PHLPP2: variants seen among roughly 807,000 people sequenced by gnomAD.
PHLPP2 encodes PH domain and leucine rich repeat protein phosphatase 2.
A neutral mutation model predicts 124.9 loss-of-function variants in PHLPP2; 66 were observed. The ratio of observed to expected loss-of-function variants is 0.53; its 90% CI spans 0.43 to 0.65. The LOEUF (loss-of-function observed/expected upper bound fraction) is 0.65. Among genes scored for constraint, PHLPP2 ranks in the 30% least tolerant of loss-of-function variants. The probability of loss-of-function intolerance (pLI) is 0.00; values close to 1 mark genes in which losing one functional copy is unlikely to be tolerated. For synonymous variants in PHLPP2, 681 were observed against 624.7 expected (o/e 1.09, Z -1.34); for missense variants, 1,685 against 1,600.4 (o/e 1.05, Z -0.90).
chr16:71,714,677 G>A lies in PHLPP2; in HGVS notation c.119C>T (p.Thr40Ile), dbSNP rs1308184824. 1.2e-6 allele frequency: 2 copies of A among 1,613,544 alleles called. No individual in the cohort carries two copies. Among genetic ancestry groups the A allele is most frequent in the African/African-American group, 1.3e-5 (1 of 74,918 alleles). The part of the protein sequence containing the change: ...RGCVYLYGAD[T>I]TTATTTTTTS... ...GGTGGTGGTTGTAGTGGCAGTGGTA[G>A]TGTCTGCTCCATAAAGGTAAACACA... is the stretch of plus-strand genomic sequence containing the variant. The change falls in exon 2 of 19, where the codon ACT becomes ATT. Residue 40 changes from threonine (T) to isoleucine (I), a missense_variant. Transcript: ENST00000568954.
chr16:71,722,104 C>G (rs916514223), intron 1 of PHLPP2, among the ~76,000 whole-genome samples: 3 of 152,176 alleles, frequency 2.0e-5, no homozygotes, highest in Non-Finnish European at 4.4e-5. Flanking sequence ...TTTCCAGCAT[C>G]ACTTGGCACA....
chr16:71,680,305 C>A (rs569495080), intron 6 of PHLPP2, among the ~76,000 whole-genome samples: 1 of 152,180 alleles, frequency 6.6e-6, no homozygotes, highest in Non-Finnish European at 1.5e-5. Flanking sequence ...TACTTTCATA[C>A]TGAAATTATG....
intron 2 of PHLPP2, among the ~76,000 whole-genome samples, chr16:71,710,920 T>C (rs1158862347): frequency 6.6e-6 from 1 of 152,210 alleles, no homozygotes; most frequent in Non-Finnish European, 1.5e-5. Flanking sequence ...CATTCCAGAA[T>C]CCAATCTCTA....
intron 4 of PHLPP2, 110 bp downstream of exon 4, chr16:71,690,409 C>A: frequency 1.3e-6 from 1 of 753,302 alleles, no homozygotes; most frequent in Non-Finnish European, 2.2e-6. Flanking sequence ...TTAATAATGC[C>A]CATACTGGCT....
Position 71,697,151 on chromosome 16 carries a change from C to T in PHLPP2, c.418+5447G>A, listed in dbSNP as rs564297867. 8.0e-5 allele frequency among the ~76,000 whole-genome samples: 12 copies of T among 149,856 alleles called. No individual in the cohort carries two copies. The South Asian group carries it at 8.5e-4, about 11-fold the overall frequency. The stretch of plus-strand genomic sequence containing the variant: ...TGGCACCACTGCACTCAAGCCTGGG[C>T]GACAGAGCAAGACTCTGTCTCAATA... On this transcript the variant is annotated intron_variant, in intron 3 of 18. Transcript: ENST00000568954.
chr16:71,709,436 A>C (rs1183207625), intron 2 of PHLPP2, among the ~76,000 whole-genome samples: 1 of 152,212 alleles, frequency 6.6e-6, no homozygotes, highest in African/African-American at 2.4e-5. Context: ...GGTTAATGAA[A>C]AAATAAAAAT....
intron 2 of PHLPP2, among the ~76,000 whole-genome samples, chr16:71,711,279 C>T (rs934276150): frequency 4.0e-5 from 6 of 151,046 alleles, no homozygotes; most frequent in African/African-American, 1.2e-4. Context: ...TGCAGTGAGC[C>T]GAGATCGCAC....
At position 71,683,397 on chromosome 16, in the gene PHLPP2, C is replaced by A. The variant is rs145024810; in HGVS notation, c.735+1079G>T. Reference sequence around the variant, plus strand: ...TTGTGGCAGCATTAGAGGTCACTGTCCCATCAATAACTGCACATTTGAAGT... The same window carrying A: ...TTGTGGCAGCATTAGAGGTCACTGTACCATCAATAACTGCACATTTGAAGT... On this transcript the variant is annotated intron_variant, in intron 5 of 18. Coordinates refer to ENST00000568954, the MANE Select transcript of PHLPP2 (RefSeq NM_015020.3). Among the ~76,000 whole-genome samples, 368 of 152,308 alleles carry A rather than the reference C, an allele frequency of 2.4e-3. 2 individuals carry two copies. The highest frequency in any genetic ancestry group is 8.4e-3 in the African/African-American group (351 of 41,550).
intron 15 of PHLPP2, 73 bp from the exon 16 acceptor site, chr16:71,656,754 C>A (rs1309747606): frequency 7.2e-6 from 5 of 696,446 alleles, no homozygotes; most frequent in African/African-American, 1.9e-5. Context: ...CAATAGTATT[C>A]TTTTTTTTTT....
chr16:71,702,537 A>G, intron 3 of PHLPP2, 61 bp downstream of exon 3: 1 of 1,377,416 alleles, frequency 7.3e-7, no homozygotes, highest in Admixed American at 1.9e-5. Flanking sequence ...GACGGCAGAT[A>G]AGAGGCACAA....
rs377680976 is a variant in PHLPP2, at chr16:71,653,033, G to C, written c.2586-12C>G. On this transcript the variant is annotated splice_polypyrimidine_tract_variant and intron_variant, in intron 17 of 18. Transcript: ENST00000568954. ...CCATTCCTAATTTCCTGTTCAGAAAGAAAAGGAAAAGAAGACGTGGTGGCT... is the reference window on the plus strand; with the variant it reads ...CCATTCCTAATTTCCTGTTCAGAAACAAAAGGAAAAGAAGACGTGGTGGCT... 1.3e-6 allele frequency: 2 copies of C among 1,566,024 alleles called. No individual in the cohort carries two copies. Among genetic ancestry groups the C allele is most frequent in the African/African-American group, 2.7e-5 (2 of 73,518 alleles).
At chr16:71,653,557 C>G (rs773724634) in intron 17 of PHLPP2, among the ~76,000 whole-genome samples, 1 of 152,176 alleles carries the variant, frequency 6.6e-6, no homozygotes, top group South Asian at 2.1e-4. Context: ...GGCATCCACG[C>G]GTCTGTACTT....
chr16:71,654,774 T>A (rs765648919), intron 17 of PHLPP2, among the ~76,000 whole-genome samples: 3 of 152,214 alleles, frequency 2.0e-5, no homozygotes, highest in African/African-American at 7.2e-5. Context: ...TTGAGGAGCA[T>A]CTGTATATGG....
intron 2 of PHLPP2, among the ~76,000 whole-genome samples, chr16:71,704,526 C>T (rs2045259823): frequency 1.3e-5 from 2 of 151,622 alleles, no homozygotes; most frequent in African/African-American, 4.8e-5. Context: ...TACTGATGTA[C>T]AAAAAAGACA....
rs1423921848 is a variant in PHLPP2, at chr16:71,649,690, T to C, written c.3172A>G (p.Thr1058Ala). ...TTAGGGGCATCCTTGATAGTGGTGG[T>C]TGAAGCAAATCCCACAGGACCTGGG... ...TLPGPVGFAS[T>A]TTIKDAPKPA... Residue 1058 changes from threonine to alanine, a missense_variant, in exon 19 of 19, where the codon ACC becomes GCC. Thr to Ala is a moderately conservative substitution (Grantham distance 58, BLOSUM62 0). Transcript: ENST00000568954. The C allele has an allele frequency of 6.2e-6, 10 of 1,614,052 alleles. No individual in the cohort carries two copies. Among genetic ancestry groups the C allele is most frequent in the East Asian group, 2.2e-5 (1 of 44,884 alleles).
At chr16:71,719,861 G>C (rs186766902) in intron 1 of PHLPP2, among the ~76,000 whole-genome samples, 13 of 151,638 alleles carry the variant, frequency 8.6e-5, no homozygotes, top group Non-Finnish European at 1.5e-5. Context: ...GCCGTGGCAC[G>C]ATCTCGGCTC....
intron 1 of PHLPP2, among the ~76,000 whole-genome samples, chr16:71,715,830 AAAAAAAAAAC>A (rs2045358937): frequency 1.3e-5 from 2 of 149,728 alleles, no homozygotes; most frequent in African/African-American, 5.0e-5. Flanking sequence ...ATACAAAAAA[AAAAAAAAAAC>A]AAAAAATTAG....
rs147433033 is a variant in PHLPP2 at position 71,648,922 on chromosome 16, C to T, written c.3940G>A (p.Glu1314Lys). The T allele has an allele frequency of 1.2e-5, 19 of 1,612,804 alleles. No individual in the cohort carries two copies. The highest frequency in any genetic ancestry group is 4.0e-5 in the African/African-American group (3 of 75,010). Residue 1314 changes from glutamate to lysine, a missense_variant, in exon 19 of 19, where the codon GAG becomes AAG. Coordinates refer to ENST00000568954, the MANE Select transcript of PHLPP2 (RefSeq NM_015020.3). ...EPEPHEEDRT[E>K]PPEEFDTAL ...GCTGTGTCGAACTCCTCCGGGGGCT[C>T]GGTCCGATCCTCTTCATGGGGCTCA...
chr16:71,668,276 C>T (rs2044856838), intron 11 of PHLPP2, among the ~76,000 whole-genome samples: 3 of 151,560 alleles, frequency 2.0e-5, no homozygotes, highest in African/African-American at 4.9e-5. Flanking sequence ...TTTAGCCGGG[C>T]GTGGCAGCAT....
Sources: allele counts gnomAD v4.1 joint callset (sites outside exome capture counted in the v4.1 genomes callset), GRCh38; gene constraint gnomAD v4.1.1; transcripts MANE v1.5; gene names NCBI Gene and HGNC (gene_info 2026-07-23, HGNC 2026-07-21).